Variants in PPM1H observed in about 807,000 individuals in gnomAD.
The protein encoded by PPM1H is protein phosphatase, Mg2+/Mn2+ dependent 1H.
A neutral mutation model predicts 54.9 loss-of-function variants in PPM1H; 27 were observed. That is an observed-to-expected ratio of 0.49 (90% CI 0.36 to 0.68). The LOEUF (loss-of-function observed/expected upper bound fraction) is 0.68, where lower values mean the gene tolerates loss of function less well. PPM1H is among the 30% of genes least tolerant of loss of function. The pLI is 0.00. For missense variants in PPM1H, 596 were observed against 667.8 expected (o/e 0.89, Z 1.19); for synonymous variants, 305 against 270.8 (o/e 1.13, Z -1.24).
At chr12:62,890,852 G>A (rs1179347315) in intron 1 of PPM1H, among the ~76,000 whole-genome samples, 2 of 151,976 alleles carry the variant, frequency 1.3e-5, no homozygotes, top group Non-Finnish European at 2.9e-5. Context: ...ACTCATGCCT[G>A]TAACCCCAGC....
chr12:62,922,088 T>C (rs1258183756), intron 1 of PPM1H, among the ~76,000 whole-genome samples: 3 of 152,180 alleles, frequency 2.0e-5, no homozygotes, highest in Non-Finnish European at 4.4e-5. Context: ...TCCAAAAATA[T>C]AGTAATTTTG....
intron 1 of PPM1H, among the ~76,000 whole-genome samples, chr12:62,899,620 C>T (rs989963203): frequency 6.6e-6 from 1 of 152,156 alleles, no homozygotes; most frequent in African/African-American, 2.4e-5. Flanking sequence ...CAGCAGAGAA[C>T]CGCAGGGACA....
chr12:62,792,828 A>C (rs2076707984), intron 3 of PPM1H, among the ~76,000 whole-genome samples: 1 of 152,262 alleles, frequency 6.6e-6, no homozygotes, highest in African/African-American at 2.4e-5. Flanking sequence ...GGAACATTAA[A>C]GGACCATCTG....
intron 3 of PPM1H, among the ~76,000 whole-genome samples, chr12:62,797,783 A>T (rs535032704): frequency 6.6e-6 from 1 of 152,228 alleles, no homozygotes; most frequent in South Asian, 2.1e-4. Flanking sequence ...TAAGACAGGC[A>T]TTGTTTCTAT....
chr12:62,817,846 C>T (rs1256732809), intron 2 of PPM1H, among the ~76,000 whole-genome samples: 1 of 152,160 alleles, frequency 6.6e-6, no homozygotes, highest in East Asian at 1.9e-4. Context: ...ACAGTGCTGC[C>T]CCGTCCTCTG....
intron 9 of PPM1H, among the ~76,000 whole-genome samples, chr12:62,652,723 CTTCT>C (rs1050747125): frequency 6.6e-6 from 1 of 151,948 alleles, no homozygotes; most frequent in Non-Finnish European, 1.5e-5. Flanking sequence ...CTTAGAATGC[CTTCT>C]TTCATTTTCC....
chr12:62,664,735 G>A (rs1336218517), intron 9 of PPM1H, among the ~76,000 whole-genome samples: 2 of 152,050 alleles, frequency 1.3e-5, no homozygotes, highest in African/African-American at 4.8e-5. Flanking sequence ...TATTTCCTGT[G>A]GGATCATTTC....
At chr12:62,932,930 C>T (rs892554803) in intron 1 of PPM1H, among the ~76,000 whole-genome samples, 6 of 151,762 alleles carry the variant, frequency 4.0e-5, no homozygotes, top group South Asian at 4.2e-4. Flanking sequence ...CCACCGCGCC[C>T]GGCCTAAATG....
At chr12:62,906,811 A>G (rs1273647275) in intron 1 of PPM1H, among the ~76,000 whole-genome samples, 1 of 152,268 alleles carries the variant, frequency 6.6e-6, no homozygotes, top group East Asian at 1.9e-4. Context: ...GAAATGAACT[A>G]CAATAGAACC....
chr12:62,923,952 T>TAA (rs1456199298), intron 1 of PPM1H, among the ~76,000 whole-genome samples: 1 of 110,340 alleles, frequency 9.1e-6, no homozygotes, highest in Non-Finnish European at 2.0e-5. Context: ...CATAAAACTA[T>TAA]TTGATTTAAA....
intron 5 of PPM1H, among the ~76,000 whole-genome samples, chr12:62,726,769 C>T (rs1157122186): frequency 6.6e-6 from 1 of 152,228 alleles, no homozygotes; most frequent in Non-Finnish European, 1.5e-5. Flanking sequence ...TTCATTTGTA[C>T]TGGTCTGTGC....
At chr12:62,673,679 G>A (rs570639828) in intron 8 of PPM1H, among the ~76,000 whole-genome samples, 1 of 134,604 alleles carries the variant, frequency 7.4e-6, no homozygotes, top group African/African-American at 2.8e-5. Context: ...TCAGGTCTCT[G>A]CTTCTAACAA....
chr12:62,788,169 A>G, intron 4 of PPM1H, 57 bp downstream of exon 4: 1 of 1,149,546 alleles, frequency 8.7e-7, no homozygotes, highest in Non-Finnish European at 1.3e-6. Flanking sequence ...TTGAGACAAA[A>G]TAAAAACATC....
chr12:62,665,848 C>CCA (rs2075915126), intron 9 of PPM1H, among the ~76,000 whole-genome samples: 1 of 151,328 alleles, frequency 6.6e-6, no homozygotes, highest in Non-Finnish European at 1.5e-5. Context: ...TCAAGCAATC[C>CCA]CACCTCAGCC....
chr12:62,911,736 T>C (rs772898443), intron 1 of PPM1H, among the ~76,000 whole-genome samples: 3 of 152,238 alleles, frequency 2.0e-5, no homozygotes, highest in Non-Finnish European at 2.9e-5. Context: ...ATGCCCATCA[T>C]CTACTCCATC....
chr12:62,912,955 G>A (rs772564), intron 1 of PPM1H, among the ~76,000 whole-genome samples: 93,934 of 151,988 alleles, frequency 0.62, 29,623 homozygotes, highest in Non-Finnish European at 0.68. Flanking sequence ...TGTCCTTTAC[G>A]GCTACTATAA....
chr12:62,730,039 C>T (rs1234030127), intron 5 of PPM1H, among the ~76,000 whole-genome samples: 4 of 152,108 alleles, frequency 2.6e-5, no homozygotes, highest in Non-Finnish European at 4.4e-5. Flanking sequence ...CAAAAGCTCC[C>T]CTACTGAGCA....
intron 2 of PPM1H, among the ~76,000 whole-genome samples, chr12:62,828,269 C>T (rs1868311738): frequency 6.6e-6 from 1 of 152,166 alleles, no homozygotes; most frequent in Non-Finnish European, 1.5e-5. Flanking sequence ...ATGTCCTTCC[C>T]GACTGGCTCA....
At chr12:62,880,170 C>A (rs927728999) in intron 1 of PPM1H, among the ~76,000 whole-genome samples, 2 of 152,142 alleles carry the variant, frequency 1.3e-5, no homozygotes, top group East Asian at 3.9e-4. Flanking sequence ...TACACACACA[C>A]ATAAATACCT....
Sources: gnomAD v4.1 joint callset for allele counts (sites outside exome capture counted in the v4.1 genomes callset) on GRCh38, gnomAD v4.1.1 for gene constraint, MANE v1.5 for transcripts, NCBI Gene and HGNC (gene_info 2026-07-23, HGNC 2026-07-21) for gene names.